The following PALM2AKAP2 variants were observed in gnomAD, a reference collection of about 807,000 sequenced individuals.
The protein encoded by PALM2AKAP2 is PALM2 and AKAP2 fusion, also known as PALM2-AKAP2 fusion protein.
Under a neutral mutation model 71.5 loss-of-function variants are expected in PALM2AKAP2, and 37 were observed. The ratio of observed to expected loss-of-function variants is 0.52; its 90% CI spans 0.40 to 0.68. The LOEUF (loss-of-function observed/expected upper bound fraction) is 0.68. Ranked by LOEUF, PALM2AKAP2 falls within the 30% of genes least tolerant of loss-of-function variation. The pLI, the probability that PALM2AKAP2 is intolerant of heterozygous loss-of-function variation, is 0.00. For missense variants in PALM2AKAP2, 1,224 were observed against 1,191.8 expected (o/e 1.03, Z -0.40); for synonymous variants, 468 against 478.8 (o/e 0.98, Z 0.29).
chr9:109,867,791 A>C (rs990485373), intron 2 of PALM2AKAP2, among the ~76,000 whole-genome samples: 3 of 152,168 alleles, frequency 2.0e-5, no homozygotes, highest in Non-Finnish European at 4.4e-5. Flanking sequence ...TACAGTGTGC[A>C]TGTGGACAGG....
At chr9:109,800,069 TTGG>T (rs1168932671) in intron 1 of PALM2AKAP2, among the ~76,000 whole-genome samples, 1 of 152,176 alleles carries the variant, frequency 6.6e-6, no homozygotes, top group African/African-American at 2.4e-5. Context: ...GAATGTGCTG[TTGG>T]TGGAGAGATT....
chr9:109,922,158 G>C (rs923464466), intron 3 of PALM2AKAP2, among the ~76,000 whole-genome samples: 1 of 151,998 alleles, frequency 6.6e-6, no homozygotes, highest in Non-Finnish European at 1.5e-5. Flanking sequence ...GGTGGCTCAC[G>C]CCTGTAGTCT....
chr9:109,954,658 TA>T (rs56743395), intron 6 of PALM2AKAP2, among the ~76,000 whole-genome samples: 5,099 of 108,014 alleles, frequency 0.047, 115 homozygotes, highest in African/African-American at 0.11. Flanking sequence ...TAAAGTATAA[TA>T]AAAAAAAAAA....
At chr9:110,016,935 A>G (rs575009985) in intron 7 of PALM2AKAP2, among the ~76,000 whole-genome samples, 3 of 152,170 alleles carry the variant, frequency 2.0e-5, no homozygotes, top group Non-Finnish European at 4.4e-5. Flanking sequence ...GCCGGAGTGC[A>G]GTGGTGCGAT....
chr9:110,151,868 A>G (rs897060376), intron 2 of PALM2AKAP2, among the ~76,000 whole-genome samples: 1 of 152,176 alleles, frequency 6.6e-6, no homozygotes, highest in Non-Finnish European at 1.5e-5. Flanking sequence ...CAAGACCAAT[A>G]CGGACCTGCC....
chr9:109,830,504 C>T (rs1396791979), intron 1 of PALM2AKAP2, among the ~76,000 whole-genome samples: 1 of 152,102 alleles, frequency 6.6e-6, no homozygotes, highest in African/African-American at 2.4e-5. Context: ...TTCATGCCTG[C>T]CTTTCCTACT....
At chr9:109,679,562 T>C (rs942780150) in intron 1 of PALM2AKAP2, among the ~76,000 whole-genome samples, 2 of 152,192 alleles carry the variant, frequency 1.3e-5, no homozygotes, top group Admixed American at 1.3e-4. Flanking sequence ...TTCAGATGCC[T>C]CTTGAGTATG....
intron 1 of PALM2AKAP2, among the ~76,000 whole-genome samples, chr9:109,735,404 C>T (rs1232534905): frequency 1.3e-5 from 2 of 151,858 alleles, no homozygotes; most frequent in African/African-American, 4.8e-5. Flanking sequence ...GTTTCAAAGG[C>T]TTCCTGCATC....
intron 3 of PALM2AKAP2, among the ~76,000 whole-genome samples, chr9:109,900,200 C>T (rs1333192336): frequency 6.6e-6 from 1 of 152,128 alleles, no homozygotes; most frequent in East Asian, 1.9e-4. Flanking sequence ...TGACAAGAAA[C>T]TAAAGGAAGG....
rs550256947 is a variant in PALM2AKAP2 at position 109,792,528 on chromosome 9, C to T, written c.45+11995C>T. ...AGGCAACAGAACAGTTCCATCACCC[C>T]CAAAAGTCTCCCAGGAAGGCTGATT... On this transcript the variant is annotated intron_variant, in intron 1 of 9. Coordinates refer to the PALM2AKAP2 transcript ENST00000302798. Among the ~76,000 whole-genome samples, 13 of 152,196 alleles carry T rather than the reference C, an allele frequency of 8.5e-5. No homozygotes were observed. In the South Asian group the frequency reaches 2.7e-3, roughly 32 times the overall value.
At chr9:109,828,704 G>T (rs1193966715) in intron 1 of PALM2AKAP2, among the ~76,000 whole-genome samples, 1 of 152,222 alleles carries the variant, frequency 6.6e-6, no homozygotes, top group Non-Finnish European at 1.5e-5. Flanking sequence ...CAAAGAAGAT[G>T]AGTTCATTGT....
chr9:110,057,989 G>A (rs1460627631), intron 1 of PALM2AKAP2, among the ~76,000 whole-genome samples: 1 of 152,194 alleles, frequency 6.6e-6, no homozygotes, highest in African/African-American at 2.4e-5. Flanking sequence ...GAGGAAGGGT[G>A]CTACTAGAAT....
chr9:109,942,559 C>T, intron 6 of PALM2AKAP2: 1 of 1,037,066 alleles, frequency 9.6e-7, no homozygotes. Flanking sequence ...CTCACTCTAA[C>T]ACTCAAGATG....
At chr9:110,130,303 C>A (rs1394784338) in intron 1 of PALM2AKAP2, among the ~76,000 whole-genome samples, 1 of 152,174 alleles carries the variant, frequency 6.6e-6, no homozygotes, top group Admixed American at 6.5e-5. Flanking sequence ...TCCATAATTA[C>A]AAAAAGTCTG....
At chr9:109,910,582 A>G (rs1830546238) in intron 3 of PALM2AKAP2, among the ~76,000 whole-genome samples, 1 of 152,220 alleles carries the variant, frequency 6.6e-6, no homozygotes, top group Non-Finnish European at 1.5e-5. Context: ...GTGATCAAAT[A>G]TGTTTTTAAA....
intron 3 of PALM2AKAP2, among the ~76,000 whole-genome samples, chr9:109,886,224 C>T (rs1829961468): frequency 6.6e-6 from 1 of 152,162 alleles, no homozygotes; most frequent in African/African-American, 2.4e-5. Flanking sequence ...CCATTGCCAG[C>T]CATTGTCCGT....
At chr9:109,920,850 G>A (rs1228495883) in intron 3 of PALM2AKAP2, among the ~76,000 whole-genome samples, 1 of 152,090 alleles carries the variant, frequency 6.6e-6, no homozygotes, top group Non-Finnish European at 1.5e-5. Flanking sequence ...CTGGTTGGTA[G>A]TATCATCCAG....
chr9:109,645,781 G>A (rs1041397485), intron 1 of PALM2AKAP2, among the ~76,000 whole-genome samples: 2 of 152,066 alleles, frequency 1.3e-5, no homozygotes, highest in African/African-American at 2.4e-5. Flanking sequence ...CACAAGGGTT[G>A]AAAAATTACC....
At chr9:109,782,544 G>A (rs1012401032) in intron 1 of PALM2AKAP2, among the ~76,000 whole-genome samples, 1 of 152,096 alleles carries the variant, frequency 6.6e-6, no homozygotes, top group South Asian at 2.1e-4. Context: ...CAGTGTATTA[G>A]GTATTATAAA....
Sources: allele counts gnomAD v4.1 joint callset (sites outside exome capture counted in the v4.1 genomes callset), GRCh38; gene constraint gnomAD v4.1.1; transcripts MANE v1.5; gene names NCBI Gene and HGNC (gene_info 2026-07-23, HGNC 2026-07-21).